The following CAST variants were observed in gnomAD, a reference collection of about 807,000 sequenced individuals.
CAST encodes MIR583 host.
Under a neutral mutation model 119.6 loss-of-function variants are expected in CAST, and 76 were observed. The ratio of observed to expected loss-of-function variants is 0.64; its 90% CI spans 0.53 to 0.77. CAST has a LOEUF of 0.77. Ranked by LOEUF, CAST falls within the 30% of genes least tolerant of loss-of-function variation. CAST has a pLI of 0.00. For missense variants in CAST, 953 were observed against 946.5 expected (o/e 1.01, Z -0.09); for synonymous variants, 319 against 331.6 (o/e 0.96, Z 0.41).
chr5:96,205,963 G>C, the CAST span, among the ~76,000 whole-genome samples: 1 of 151,864 alleles, frequency 6.6e-6, no homozygotes, highest in African/African-American at 2.4e-5. Context: ...TTTCTCTGCA[G>C]CCTTGCCATC....
At chr5:96,437,935 C>G in the CAST span, among the ~76,000 whole-genome samples, 1 of 152,160 alleles carries the variant, frequency 6.6e-6, no homozygotes, top group Non-Finnish European at 1.5e-5. Flanking sequence ...TTCCTCATTA[C>G]TACCTCCAGT....
chr5:96,761,162 C>T (rs993390086), intron 24 of CAST: 2 of 152,018 alleles, frequency 1.3e-5, no homozygotes, highest in East Asian at 3.8e-4. Flanking sequence ...TATAGCTTTG[C>T]GATACAAATT....
the CAST span, among the ~76,000 whole-genome samples, chr5:96,321,700 G>A: frequency 1.3e-5 from 2 of 152,180 alleles, no homozygotes; most frequent in African/African-American, 2.4e-5. Context: ...TAGTGACAGA[G>A]CTTGAACTGG....
At chr5:96,189,867 T>C in the CAST span, among the ~76,000 whole-genome samples, 1 of 152,252 alleles carries the variant, frequency 6.6e-6, no homozygotes, top group Non-Finnish European at 1.5e-5. Flanking sequence ...TCGAATTGTT[T>C]AGTTTAAGTT....
chr5:96,125,024 G>C, the CAST span, among the ~76,000 whole-genome samples: 3 of 151,998 alleles, frequency 2.0e-5, no homozygotes, highest in South Asian at 2.1e-4. Flanking sequence ...CCGATTCTTA[G>C]AACAAAATTT....
chr5:96,349,139 A>ATTTTTTTTTTTTTTTTTTTTTTTT, the CAST span, among the ~76,000 whole-genome samples: 38 of 89,622 alleles, frequency 4.2e-4, 1 homozygote, highest in African/African-American at 9.3e-4. Flanking sequence ...CAAGGACACT[A>ATTTTTTTTTTTTTTTTTTTTTTTT]TTTTTTTTTT....
At chr5:95,962,722 C>A in the CAST span, among the ~76,000 whole-genome samples, 1 of 152,268 alleles carries the variant, frequency 6.6e-6, no homozygotes, top group East Asian at 1.9e-4. Flanking sequence ...GGGATGATAT[C>A]TCCTTAAAAA....
chr5:96,249,549 C>T, the CAST span, among the ~76,000 whole-genome samples: 1,009 of 152,202 alleles, frequency 6.6e-3, 6 homozygotes, highest in Non-Finnish European at 0.011. Flanking sequence ...TTAGGTTGTC[C>T]CAACTGCAAA....
chr5:96,046,702 T>G, the CAST span, among the ~76,000 whole-genome samples: 3 of 152,212 alleles, frequency 2.0e-5, no homozygotes, highest in Non-Finnish European at 2.9e-5. Context: ...TATTAGTTCA[T>G]TTTCACAGTG....
chr5:96,425,715 A>T, the CAST span: 1 of 686,616 alleles, frequency 1.5e-6, no homozygotes, highest in Non-Finnish European at 2.6e-6. Flanking sequence ...GCTCCCTATG[A>T]AATTCTCCAT....
the CAST span, among the ~76,000 whole-genome samples, chr5:96,008,923 A>G: frequency 6.6e-6 from 1 of 152,336 alleles, no homozygotes; most frequent in East Asian, 1.9e-4. Flanking sequence ...CCCATCATCC[A>G]GGTAGTGAGC....
chr5:96,139,331 A>C, the CAST span, among the ~76,000 whole-genome samples: 1 of 151,274 alleles, frequency 6.6e-6, no homozygotes, highest in South Asian at 2.1e-4. Flanking sequence ...AAGACTTCCT[A>C]GTGTTTTAGG....
At chr5:96,389,900 A>C in the CAST span, among the ~76,000 whole-genome samples, 2 of 152,076 alleles carry the variant, frequency 1.3e-5, no homozygotes, top group African/African-American at 4.8e-5. Context: ...ATGCCATTGC[A>C]CTGTAGTCCG....
intron 3 of CAST, among the ~76,000 whole-genome samples, chr5:96,700,174 C>T (rs376119814): frequency 3.3e-5 from 5 of 152,246 alleles, no homozygotes; most frequent in Admixed American, 1.3e-4. Flanking sequence ...CCTCCTACCA[C>T]GTGTGGTTTG....
the CAST span, among the ~76,000 whole-genome samples, chr5:95,966,756 A>C: frequency 1.0e-3 from 156 of 152,224 alleles, no homozygotes; most frequent in African/African-American, 3.6e-3. Context: ...CTTCATTAAT[A>C]CCTTTTTAGC....
chr5:96,491,569 G>A, the CAST span, among the ~76,000 whole-genome samples: 30 of 146,364 alleles, frequency 2.0e-4, no homozygotes, highest in Admixed American at 6.2e-4. Flanking sequence ...GTTATGTACC[G>A]CATGTGGCAA....
the CAST span, among the ~76,000 whole-genome samples, chr5:96,074,659 A>T: frequency 2.6e-5 from 4 of 152,260 alleles, no homozygotes; most frequent in Non-Finnish European, 2.9e-5. Context: ...CTGACTATGC[A>T]AAATGACGAA....
Position 96,631,156 on chromosome 5 carries a change from A to G in CAST, c.61-44383A>G, listed in dbSNP as rs944187572. On this transcript the variant is annotated intron_variant, in intron 1 of 11. Coordinates refer to the CAST transcript ENST00000505143. ...TACTTCACAGGACATAAAATCCACCATCTTAAAGCAAGTTCACTCTGTTGT... is the reference window on the plus strand; with the variant it reads ...TACTTCACAGGACATAAAATCCACCGTCTTAAAGCAAGTTCACTCTGTTGT... The G allele has an allele frequency of 2.1e-5, 3 of 140,420 alleles. 1 individual carries two copies. The highest frequency in any genetic ancestry group is 4.8e-5 in the Non-Finnish European group (3 of 62,500). 8.7% of individuals were successfully genotyped at this position (140,420 alleles called of 1,614,324 possible). A position where few individuals can be genotyped will look rare whatever the true frequency, so the allele number is the denominator to read the frequency against.
At chr5:96,059,851 T>C in the CAST span, among the ~76,000 whole-genome samples, 1 of 151,926 alleles carries the variant, frequency 6.6e-6, no homozygotes, top group East Asian at 1.9e-4. Context: ...CTCAAGAGAG[T>C]GCATCAACAA....
Sources: gnomAD v4.1 joint callset for allele counts (sites outside exome capture counted in the v4.1 genomes callset) on GRCh38, gnomAD v4.1.1 for gene constraint, MANE v1.5 for transcripts, NCBI Gene and HGNC (gene_info 2026-07-23, HGNC 2026-07-21) for gene names.